Variants in CSMD1 observed in about 807,000 individuals in gnomAD.
CSMD1 encodes CUB and sushi domain-containing protein 1.
A neutral mutation model predicts 417.5 loss-of-function variants in CSMD1; 213 were observed. The ratio of observed to expected loss-of-function variants is 0.51; its 90% CI spans 0.46 to 0.57. CSMD1 has a LOEUF of 0.57. Among genes scored for constraint, CSMD1 ranks in the 20% least tolerant of loss-of-function variants. The probability of loss-of-function intolerance (pLI) is 0.00; values close to 1 mark genes in which losing one functional copy is unlikely to be tolerated. For synonymous variants in CSMD1, 2,862 were observed against 1,736.8 expected, an observed-to-expected ratio of 1.65 and a Z score of -16.11; for missense variants, 6,923 against 4,529.7, an observed-to-expected ratio of 1.53 and a Z score of -15.17.
chr8:4,494,296 A>G (rs1013728240), intron 2 of CSMD1, among the ~76,000 whole-genome samples: 2 of 152,240 alleles, frequency 1.3e-5, no homozygotes, highest in African/African-American at 4.8e-5. Flanking sequence ...TTTCATAGAC[A>G]AAACATGTAG....
Position 3,651,661 on chromosome 8 carries a change from G to C in CSMD1, c.1010-34864C>G, listed in dbSNP as rs181014241. ...TACCTCAGAGCACTTAGCAGCAATA[G>C]CGTGCTTACTATCACTGTACTTAAC... On this transcript the variant is annotated intron_variant, in intron 7 of 69. Transcript: ENST00000635120. Among the ~76,000 whole-genome samples the C allele has an allele frequency of 7.2e-5, 11 of 152,172 alleles. No individual in the cohort carries two copies. The East Asian group carries it at 1.2e-3, about 16-fold the overall frequency.
At chr8:3,583,316 G>C (rs943795016) in intron 9 of CSMD1, among the ~76,000 whole-genome samples, 2 of 151,862 alleles carry the variant, frequency 1.3e-5, no homozygotes, top group South Asian at 2.1e-4. Context: ...CTTTGGAACC[G>C]GGTTGTGGGT....
intron 5 of CSMD1, among the ~76,000 whole-genome samples, chr8:3,982,021 A>G (rs1191617087): frequency 6.6e-6 from 1 of 151,924 alleles, no homozygotes; most frequent in Non-Finnish European, 1.5e-5. Flanking sequence ...AATACAAAAA[A>G]TTAGCCTGGC....
At chr8:4,281,471 C>T (rs1241838933) in intron 3 of CSMD1, among the ~76,000 whole-genome samples, 2 of 152,160 alleles carry the variant, frequency 1.3e-5, no homozygotes, top group Non-Finnish European at 2.9e-5. Context: ...TGGCACACTC[C>T]AACCTTCTGT....
intron 1 of CSMD1, among the ~76,000 whole-genome samples, chr8:4,657,136 A>C (rs1283616371): frequency 6.6e-6 from 1 of 152,192 alleles, no homozygotes; most frequent in East Asian, 1.9e-4. Flanking sequence ...ACATCCCTGC[A>C]TAGTGGGAAA....
chr8:3,424,208 T>C (rs1255038383), intron 12 of CSMD1, among the ~76,000 whole-genome samples: 1 of 152,222 alleles, frequency 6.6e-6, no homozygotes, highest in Non-Finnish European at 1.5e-5. Flanking sequence ...TACAGGAAGC[T>C]CATTTGTATC....
intron 3 of CSMD1, among the ~76,000 whole-genome samples, chr8:4,246,886 C>T (rs1802746491): frequency 6.6e-6 from 1 of 152,070 alleles, no homozygotes. Context: ...TTTTTAAACA[C>T]TTTTTCCGTG....
chr8:3,482,458 C>T (rs1356160671), intron 11 of CSMD1, among the ~76,000 whole-genome samples: 3 of 152,064 alleles, frequency 2.0e-5, no homozygotes, highest in Non-Finnish European at 4.4e-5. Flanking sequence ...AGGATTGACC[C>T]ACCAGAAATA....
Position 3,041,117 on chromosome 8 carries a change from A to C in CSMD1, c.7660+11345T>G, listed in dbSNP as rs186676865. On this transcript the variant is annotated intron_variant, in intron 50 of 69. Coordinates refer to ENST00000635120, the MANE Select transcript of CSMD1 (RefSeq NM_033225.6). The stretch of plus-strand genomic sequence containing the variant: ...GCTGAGCAGAACTTAAAAATATTAG[A>C]GAGCTCCTGACAATTTTGAATTACA... Among the ~76,000 whole-genome samples, 453 of 152,318 alleles carry C rather than the reference A, an allele frequency of 3.0e-3. 2 individuals are homozygous for C. The highest frequency in any genetic ancestry group is 4.6e-3 in the Non-Finnish European group (313 of 68,028).
At chr8:4,577,016 G>T (rs1412399119) in intron 2 of CSMD1, among the ~76,000 whole-genome samples, 3 of 152,100 alleles carry the variant, frequency 2.0e-5, no homozygotes, top group Admixed American at 6.6e-5. Context: ...ACAGATATTA[G>T]ATCTTGAATT....
chr8:4,246,353 A>G (rs1419849531), intron 3 of CSMD1, among the ~76,000 whole-genome samples: 1 of 152,288 alleles, frequency 6.6e-6, no homozygotes, highest in African/African-American at 2.4e-5. Context: ...GGACACGGTC[A>G]GTCCTTAGAA....
chr8:4,312,436 T>C (rs554193287), intron 3 of CSMD1, among the ~76,000 whole-genome samples: 1,574 of 116,382 alleles, frequency 0.014, 175 homozygotes, highest in African/African-American at 0.067. Flanking sequence ...TATATATATA[T>C]GCGTATATAT....
chr8:4,347,207 T>C (rs1446037623), intron 3 of CSMD1, among the ~76,000 whole-genome samples: 2 of 152,080 alleles, frequency 1.3e-5, no homozygotes, highest in Admixed American at 1.3e-4. Context: ...AATCTTGAGT[T>C]AGAAATACTT....
intron 1 of CSMD1, among the ~76,000 whole-genome samples, chr8:4,676,779 T>C (rs536519374): frequency 1.3e-5 from 2 of 152,016 alleles, no homozygotes; most frequent in Non-Finnish European, 2.9e-5. Context: ...AGCTTTTCTT[T>C]GTTCTCTTCA....
intron 40 of CSMD1, among the ~76,000 whole-genome samples, chr8:3,145,783 T>C (rs965096600): frequency 7.2e-5 from 11 of 152,230 alleles, no homozygotes; most frequent in Admixed American, 3.9e-4. Context: ...TACTAAAGCA[T>C]ATATATTATT....
At chr8:3,366,928 C>G in intron 20 of CSMD1, 104 bp downstream of exon 20, 2 of 901,590 alleles carry the variant, frequency 2.2e-6, no homozygotes, top group South Asian at 1.5e-5. Flanking sequence ...CAAACACACA[C>G]GGATGCACAC....
intron 2 of CSMD1, among the ~76,000 whole-genome samples, chr8:4,517,883 CA>C (rs1803210505): frequency 6.6e-6 from 1 of 152,114 alleles, no homozygotes; most frequent in African/African-American, 2.4e-5. Context: ...ATAAGATTTG[CA>C]TTTGAGTAGG....
At chr8:4,680,334 G>T (rs548803382) in intron 1 of CSMD1, among the ~76,000 whole-genome samples, 10 of 152,098 alleles carry the variant, frequency 6.6e-5, no homozygotes, top group Non-Finnish European at 1.5e-4. Context: ...TGAAAGCACC[G>T]GGTCACTTAA....
intron 2 of CSMD1, among the ~76,000 whole-genome samples, chr8:4,516,179 T>A (rs1285875268): frequency 6.6e-6 from 1 of 151,996 alleles, no homozygotes; most frequent in East Asian, 1.9e-4. Context: ...TGGTGCCTCC[T>A]AATAAGAGAA....
Sources: gnomAD v4.1 joint callset for allele counts (sites outside exome capture counted in the v4.1 genomes callset) on GRCh38, gnomAD v4.1.1 for gene constraint, MANE v1.5 for transcripts, NCBI Gene and HGNC (gene_info 2026-07-23, HGNC 2026-07-21) for gene names.